Variants in TRPM3 observed in about 807,000 individuals in gnomAD.
TRPM3 encodes long transient receptor potential channel 3.
In TRPM3, 77 loss-of-function variants were observed where a neutral mutation model predicts 181.2. That is an observed-to-expected ratio of 0.42 (90% CI 0.35 to 0.51). TRPM3 has a LOEUF of 0.51. Among genes scored for constraint, TRPM3 ranks in the 20% least tolerant of loss-of-function variants. The probability of loss-of-function intolerance (pLI) is 0.01; values close to 1 mark genes in which losing one functional copy is unlikely to be tolerated. For synonymous variants in TRPM3, 745 were observed against 796.4 expected (o/e 0.94, Z 1.09); for missense variants, 1,759 against 2,196.7 (o/e 0.80, Z 3.98).
intron 1 of TRPM3, among the ~76,000 whole-genome samples, chr9:70,882,565 C>T (rs1184712017): frequency 1.3e-5 from 2 of 151,852 alleles, no homozygotes; most frequent in Non-Finnish European, 2.9e-5. Context: ...AGAATGACAC[C>T]AAAACTTCAC....
At chr9:71,169,508 T>TA (rs2134783553) in intron 1 of TRPM3, among the ~76,000 whole-genome samples, 1 of 152,318 alleles carries the variant, frequency 6.6e-6, no homozygotes, top group African/African-American at 2.4e-5. Context: ...TATGTCTTGA[T>TA]AGAACCAAAA....
chr9:71,194,596 C>T (rs73647964), intron 1 of TRPM3, among the ~76,000 whole-genome samples: 2,558 of 151,906 alleles, frequency 0.017, 78 homozygotes, highest in African/African-American at 0.059. Flanking sequence ...GTAGGAGAGC[C>T]GCCCAACCAG....
At chr9:70,633,683 C>A (rs763268482) in intron 12 of TRPM3, among the ~76,000 whole-genome samples, 1 of 152,174 alleles carries the variant, frequency 6.6e-6, no homozygotes, top group African/African-American at 2.4e-5. Context: ...TTATAAGTAG[C>A]CCCAAGGCCT....
intron 1 of TRPM3, among the ~76,000 whole-genome samples, chr9:70,870,068 C>G (rs531562142): frequency 6.6e-6 from 1 of 152,018 alleles, no homozygotes; most frequent in South Asian, 2.1e-4. Context: ...AGAGATGGCA[C>G]TCTTCCCTTT....
At chr9:70,934,771 GAGA>G (rs1229534279) in intron 1 of TRPM3, among the ~76,000 whole-genome samples, 1 of 152,100 alleles carries the variant, frequency 6.6e-6, no homozygotes, top group East Asian at 1.9e-4. Context: ...TGTTTTCACT[GAGA>G]AGGTGTACAG....
intron 1 of TRPM3, among the ~76,000 whole-genome samples, chr9:71,049,413 A>G (rs531536706): frequency 3.9e-5 from 6 of 152,340 alleles, no homozygotes; most frequent in African/African-American, 1.4e-4. Context: ...GAAATATAGT[A>G]TATAATATCA....
intron 1 of TRPM3, among the ~76,000 whole-genome samples, chr9:71,292,479 A>G (rs548902665): frequency 6.6e-6 from 1 of 152,158 alleles, no homozygotes; most frequent in Middle Eastern, 3.4e-3. Context: ...GAAAAGTAAT[A>G]AAAGATAATA....
intron 22 of TRPM3, among the ~76,000 whole-genome samples, chr9:70,578,997 G>T (rs547927271): frequency 6.6e-6 from 1 of 152,236 alleles, no homozygotes; most frequent in Non-Finnish European, 1.5e-5. Context: ...TGGTTAGGGG[G>T]TGCAACTGCC....
At chr9:70,781,274 G>C (rs1435529629) in intron 7 of TRPM3, among the ~76,000 whole-genome samples, 1 of 145,658 alleles carries the variant, frequency 6.9e-6, no homozygotes, top group African/African-American at 2.6e-5. Context: ...ACAGTGAGCT[G>C]AGATTGCATC....
chr9:71,041,395 A>G (rs1459979279), intron 1 of TRPM3, among the ~76,000 whole-genome samples: 2 of 152,200 alleles, frequency 1.3e-5, no homozygotes, highest in Non-Finnish European at 2.9e-5. Flanking sequence ...TCAAACCATA[A>G]TAACCCTCTC....
chr9:71,305,234 C>G (rs150850143), intron 1 of TRPM3, among the ~76,000 whole-genome samples: 1,785 of 152,240 alleles, frequency 0.012, 103 homozygotes, highest in Admixed American at 0.1. Context: ...TAATTATAAT[C>G]AAAATACATT....
intron 1 of TRPM3, among the ~76,000 whole-genome samples, chr9:71,032,401 T>G (rs2057650609): frequency 6.6e-6 from 1 of 151,282 alleles, no homozygotes; most frequent in African/African-American, 2.4e-5. Flanking sequence ...TTAACCCACC[T>G]GAAAATGTAT....
intron 8 of TRPM3, among the ~76,000 whole-genome samples, chr9:70,760,454 TA>T (rs1190922362): frequency 1.4e-5 from 2 of 147,806 alleles, no homozygotes; most frequent in East Asian, 3.9e-4. Flanking sequence ...TCGTGCGTAG[TA>T]GAGTTCTCCT....
At chr9:71,407,900 T>C (rs2093467791) in intron 1 of TRPM3, among the ~76,000 whole-genome samples, 1 of 152,154 alleles carries the variant, frequency 6.6e-6, no homozygotes, top group Non-Finnish European at 1.5e-5. Context: ...GGCAGCAACA[T>C]TTGCTGTTCT....
chr9:71,081,828 G>C (rs2064394954), intron 1 of TRPM3, among the ~76,000 whole-genome samples: 1 of 152,090 alleles, frequency 6.6e-6, no homozygotes, highest in Non-Finnish European at 1.5e-5. Context: ...CAATTCTAAT[G>C]AAAGTGTACA....
chr9:71,415,131 T>C (rs904229183), intron 1 of TRPM3, among the ~76,000 whole-genome samples: 4 of 152,010 alleles, frequency 2.6e-5, no homozygotes, highest in African/African-American at 4.8e-5. Flanking sequence ...GCAATGACCA[T>C]GGAGGCAGAG....
chr9:71,378,407 T>C (rs1476731657), intron 1 of TRPM3, among the ~76,000 whole-genome samples: 3 of 152,062 alleles, frequency 2.0e-5, no homozygotes, highest in Non-Finnish European at 4.4e-5. Context: ...TTAAGCAAAA[T>C]GTTCATTGCA....
At chr9:70,939,673 T>C (rs1218996632) in intron 1 of TRPM3, among the ~76,000 whole-genome samples, 1 of 152,226 alleles carries the variant, frequency 6.6e-6, no homozygotes, top group African/African-American at 2.4e-5. Context: ...ACAGGAAATC[T>C]AAAGGAGAGA....
chr9:71,252,947 G>A (rs944414106), intron 1 of TRPM3, among the ~76,000 whole-genome samples: 20 of 147,628 alleles, frequency 1.4e-4, no homozygotes, highest in African/African-American at 4.2e-4. Context: ...TTGGCCTCCT[G>A]AAGTGCTGAG....
Sources: allele counts gnomAD v4.1 joint callset (sites outside exome capture counted in the v4.1 genomes callset), GRCh38; gene constraint gnomAD v4.1.1; transcripts MANE v1.5; gene names NCBI Gene and HGNC (gene_info 2026-07-23, HGNC 2026-07-21).